The following LOC400499 variants were observed in gnomAD, a reference collection of about 807,000 sequenced individuals.
the LOC400499 span, among the ~76,000 whole-genome samples, chr16:11,485,818 G>C: frequency 6.6e-6 from 1 of 152,232 alleles, no homozygotes; most frequent in East Asian, 1.9e-4. Context: ...TGAGTGGATG[G>C]ATGGATAATA....
At chr16:11,398,308 C>T in the LOC400499 span, 1 of 1,231,592 alleles carries the variant, frequency 8.1e-7, no homozygotes, top group Non-Finnish European at 1.0e-6. Flanking sequence ...ACCATGGGTC[C>T]CTGGTCCTCC....
chr16:11,512,659 G>A, the LOC400499 span, among the ~76,000 whole-genome samples: 6 of 152,104 alleles, frequency 3.9e-5, no homozygotes, highest in Non-Finnish European at 8.8e-5. Context: ...GTACAACTCT[G>A]AATATACTAA....
At chr16:11,476,409 G>A in the LOC400499 span, among the ~76,000 whole-genome samples, 2 of 151,908 alleles carry the variant, frequency 1.3e-5, no homozygotes, top group African/African-American at 2.4e-5. Context: ...AGCTGCCCAC[G>A]GTCCCTGTCA....
chr16:11,505,677 G>T, the LOC400499 span, among the ~76,000 whole-genome samples: 1 of 151,506 alleles, frequency 6.6e-6, no homozygotes, highest in African/African-American at 2.4e-5. Context: ...CAAACCCCTG[G>T]GGTTTAAGTG....
At chr16:11,384,979 G>A in the LOC400499 span, 4 of 1,232,100 alleles carry the variant, frequency 3.2e-6, no homozygotes, top group East Asian at 6.3e-5. Flanking sequence ...GCTCAATCCT[G>A]GAGACGTCCT....
the LOC400499 span, among the ~76,000 whole-genome samples, chr16:11,389,937 T>G: frequency 2.0e-5 from 3 of 152,172 alleles, no homozygotes; most frequent in Non-Finnish European, 4.4e-5. Context: ...GAGGTATCTA[T>G]GGAGTGAGGA....
chr16:11,450,825 A>C, the LOC400499 span: 1 of 1,524,916 alleles, frequency 6.6e-7, no homozygotes, highest in East Asian at 2.5e-5. Flanking sequence ...AGGCTCCTGC[A>C]AGCAACAAAG....
the LOC400499 span, chr16:11,398,526 T>C: frequency 0.96 from 1,184,517 of 1,232,030 alleles, 572,717 homozygotes; most frequent in Non-Finnish European, 0.99. Context: ...TGAGAGGGCC[T>C]ATGGGTCAGG....
the LOC400499 span, chr16:11,399,853 G>A: frequency 2.5e-6 from 1 of 398,692 alleles, no homozygotes. Context: ...GGGAAAGGGG[G>A]ACATGTAGGG....
the LOC400499 span, among the ~76,000 whole-genome samples, chr16:11,373,729 C>G: frequency 6.6e-5 from 10 of 152,324 alleles, no homozygotes; most frequent in South Asian, 1.5e-3. Flanking sequence ...AAGTGATTCT[C>G]TTGCCTCAGC....
the LOC400499 span, among the ~76,000 whole-genome samples, chr16:11,516,800 C>T: frequency 6.6e-6 from 1 of 152,120 alleles, no homozygotes; most frequent in Non-Finnish European, 1.5e-5. Context: ...CATATGGCCA[C>T]CATGCCCAGC....
the LOC400499 span, among the ~76,000 whole-genome samples, chr16:11,467,888 G>A: frequency 6.6e-6 from 1 of 152,188 alleles, no homozygotes; most frequent in Non-Finnish European, 1.5e-5. Flanking sequence ...ATTAAGCTAA[G>A]CTGAGGTGAT....
the LOC400499 span, chr16:11,446,886 C>T: frequency 3.0e-3 from 4,679 of 1,535,498 alleles, 12 homozygotes; most frequent in Non-Finnish European, 3.1e-3. Flanking sequence ...GGAGGCTCTG[C>T]GGGATGGGCA....
chr16:11,471,945 T>C, the LOC400499 span: 982 of 397,554 alleles, frequency 2.5e-3, 4 homozygotes, highest in Admixed American at 1.8e-3. Context: ...AGGCACCATG[T>C]AGACAGGACT....
At chr16:11,462,097 G>T in the LOC400499 span, 2 of 1,473,180 alleles carry the variant, frequency 1.4e-6, no homozygotes, top group South Asian at 2.7e-5. Flanking sequence ...AGAGGGGACA[G>T]AAGGGGTCTC....
chr16:11,517,658 T>C, the LOC400499 span, among the ~76,000 whole-genome samples: 13 of 152,048 alleles, frequency 8.5e-5, no homozygotes, highest in African/African-American at 2.7e-4. Flanking sequence ...GGGGCCTTCT[T>C]GGGGGATATC....
the LOC400499 span, among the ~76,000 whole-genome samples, chr16:11,426,505 A>G: frequency 0.58 from 87,719 of 151,860 alleles, 27,956 homozygotes; most frequent in Admixed American, 0.72. Context: ...TATTTGTGGA[A>G]ATTTTGAATG....
the LOC400499 span, among the ~76,000 whole-genome samples, chr16:11,429,109 C>T: frequency 6.6e-6 from 1 of 152,206 alleles, no homozygotes; most frequent in Non-Finnish European, 1.5e-5. Context: ...GTGTCCCCAA[C>T]AACCCTCATG....
At chr16:11,384,247 C>T in the LOC400499 span, 110 of 1,232,294 alleles carry the variant, frequency 8.9e-5, 1 homozygote, top group African/African-American at 1.3e-3. Flanking sequence ...CTCCAGGCTG[C>T]GGGCCATAGA....
Sources: gnomAD v4.1 joint callset for allele counts (sites outside exome capture counted in the v4.1 genomes callset) on GRCh38, gnomAD v4.1.1 for gene constraint, MANE v1.5 for transcripts.